The following PDE4D variants were observed in gnomAD, a reference collection of about 807,000 sequenced individuals.
The protein encoded by PDE4D is 3',5'-cyclic-AMP phosphodiesterase 4D.
Under a neutral mutation model 87.4 loss-of-function variants are expected in PDE4D, and 24 were observed. The ratio of observed to expected loss-of-function variants is 0.27; its 90% confidence interval spans 0.20 to 0.39. PDE4D has a LOEUF of 0.39. PDE4D is among the 10% of genes least tolerant of loss of function. The probability of loss-of-function intolerance (pLI) is 1.00; values close to 1 mark genes in which losing one functional copy is unlikely to be tolerated. For missense variants in PDE4D, 714 were observed against 1,041.0 expected (o/e 0.69, Z 4.32); for synonymous variants, 384 against 383.2 (o/e 1.00, Z -0.02).
chr5:59,326,373 T>C (rs2153574241), intron 1 of PDE4D, among the ~76,000 whole-genome samples: 1 of 152,270 alleles, frequency 6.6e-6, no homozygotes, highest in African/African-American at 2.4e-5. Context: ...TACTGCAGCT[T>C]TAAAAATACA....
At chr5:59,120,249 C>A (rs1180264069) in intron 5 of PDE4D, among the ~76,000 whole-genome samples, 1 of 152,166 alleles carries the variant, frequency 6.6e-6, no homozygotes, top group Admixed American at 6.5e-5. Context: ...CACCAGAACA[C>A]TTTTTATAAA....
chr5:59,023,649 T>C (rs1243427078), intron 6 of PDE4D, among the ~76,000 whole-genome samples: 3 of 152,014 alleles, frequency 2.0e-5, no homozygotes, highest in African/African-American at 4.8e-5. Context: ...AGGTGAGAAC[T>C]TGTCTCCAAA....
At chr5:60,369,639 C>T (rs1054995978) in intron 1 of PDE4D, among the ~76,000 whole-genome samples, 1 of 152,098 alleles carries the variant, frequency 6.6e-6, no homozygotes, top group African/African-American at 2.4e-5. Flanking sequence ...TAGGGACTTC[C>T]TTACCTTGCC....
chr5:59,128,757 T>A (rs970037285), intron 5 of PDE4D, among the ~76,000 whole-genome samples: 5 of 152,200 alleles, frequency 3.3e-5, no homozygotes, highest in Non-Finnish European at 7.3e-5. Flanking sequence ...GTAAGCTTAT[T>A]AGGAGATTAG....
chr5:59,401,173 G>A (rs1005655722), intron 1 of PDE4D, among the ~76,000 whole-genome samples: 1 of 152,202 alleles, frequency 6.6e-6, no homozygotes, highest in Non-Finnish European at 1.5e-5. Flanking sequence ...GGCTGGGCAT[G>A]GTAGCTCACA....
intron 1 of PDE4D, among the ~76,000 whole-genome samples, chr5:60,286,559 T>G (rs762003992): frequency 2.0e-5 from 3 of 152,234 alleles, no homozygotes; most frequent in Non-Finnish European, 4.4e-5. Context: ...GATTCATCAC[T>G]GGTTATTTTT....
intron 5 of PDE4D, among the ~76,000 whole-genome samples, chr5:59,073,513 G>GGGC (rs1554062058): frequency 1.5e-5 from 2 of 137,180 alleles, no homozygotes; most frequent in East Asian, 4.4e-4. Context: ...GGGGCGGGGG[G>GGGC]GGCGGGTGGT....
At chr5:59,232,193 T>C (rs1755362792) in intron 1 of PDE4D, among the ~76,000 whole-genome samples, 1 of 151,948 alleles carries the variant, frequency 6.6e-6, no homozygotes, top group Non-Finnish European at 1.5e-5. Flanking sequence ...ACCAAAAATC[T>C]CTACATAGCA....
At chr5:60,028,393 C>T (rs78147359) in intron 2 of PDE4D, among the ~76,000 whole-genome samples, 1 of 152,304 alleles carries the variant, frequency 6.6e-6, no homozygotes, top group African/African-American at 2.4e-5. Context: ...AAATTCTTCA[C>T]ATCTGTTCCT....
At chr5:59,104,816 A>T (rs1771323813) in intron 5 of PDE4D, among the ~76,000 whole-genome samples, 1 of 152,152 alleles carries the variant, frequency 6.6e-6, no homozygotes, top group African/African-American at 2.4e-5. Flanking sequence ...TTGAAGGATG[A>T]TGTGAATGCA....
chr5:60,084,399 T>TGTGTGTGCGCGCGCGC, intron 2 of PDE4D, among the ~76,000 whole-genome samples: 1 of 152,024 alleles, frequency 6.6e-6, no homozygotes, highest in Non-Finnish European at 1.5e-5. Flanking sequence ...CGTGTGTGTG[T>TGTGTGTGCGCGCGCGC]GTGTGTGCGC....
intron 1 of PDE4D, among the ~76,000 whole-genome samples, chr5:60,213,062 T>C (rs932293948): frequency 6.6e-6 from 1 of 152,224 alleles, no homozygotes; most frequent in African/African-American, 2.4e-5. Flanking sequence ...CCATCTTTTG[T>C]CTAGTATATA....
intron 1 of PDE4D, among the ~76,000 whole-genome samples, chr5:59,425,517 G>C: frequency 6.6e-6 from 1 of 152,130 alleles, no homozygotes; most frequent in East Asian, 1.9e-4. Context: ...ATGAGAGGTG[G>C]AGGGTAGAAT....
intron 1 of PDE4D, among the ~76,000 whole-genome samples, chr5:59,245,419 T>C (rs1242365979): frequency 6.6e-5 from 10 of 152,108 alleles, no homozygotes; most frequent in African/African-American, 1.9e-4. Context: ...CTGGGAGCCG[T>C]GTTAGGCTCA....
intron 1 of PDE4D, among the ~76,000 whole-genome samples, chr5:59,541,642 A>C (rs1265562280): frequency 6.6e-6 from 1 of 152,238 alleles, no homozygotes; most frequent in Admixed American, 6.5e-5. Flanking sequence ...TTGTGCAGAA[A>C]GCACATGGCC....
At chr5:60,243,177 G>A (rs1034739700) in intron 1 of PDE4D, among the ~76,000 whole-genome samples, 2 of 151,954 alleles carry the variant, frequency 1.3e-5, no homozygotes, top group African/African-American at 4.8e-5. Context: ...GATCGTTAGT[G>A]GCTACTATGA....
intron 2 of PDE4D, among the ~76,000 whole-genome samples, chr5:60,150,380 G>A (rs1781398057): frequency 1.3e-5 from 2 of 151,946 alleles, no homozygotes; most frequent in Non-Finnish European, 1.5e-5. Flanking sequence ...ATTTTGGGGG[G>A]TCCAATGGGA....
intron 1 of PDE4D, among the ~76,000 whole-genome samples, chr5:59,229,503 G>A (rs1041600240): frequency 2.6e-5 from 4 of 152,108 alleles, no homozygotes; most frequent in Non-Finnish European, 5.9e-5. Context: ...ATGCAATCAG[G>A]GGTGGGATCA....
At chr5:60,442,356 C>T (rs1390438143) in intron 1 of PDE4D, among the ~76,000 whole-genome samples, 1 of 151,992 alleles carries the variant, frequency 6.6e-6, no homozygotes, top group Non-Finnish European at 1.5e-5. Flanking sequence ...AACCAAACAC[C>T]ACGTGTTTTC....
Sources: gnomAD v4.1 joint callset for allele counts (sites outside exome capture counted in the v4.1 genomes callset) on GRCh38, gnomAD v4.1.1 for gene constraint, MANE v1.5 for transcripts, NCBI Gene and HGNC (gene_info 2026-07-23, HGNC 2026-07-21) for gene names.